The following ROS1 variants were observed in gnomAD, a reference collection of about 807,000 sequenced individuals.
ROS1 encodes the protein ROS proto-oncogene 1, receptor tyrosine kinase.
A neutral mutation model predicts 273.5 loss-of-function variants in ROS1; 263 were observed. The observed-to-expected ratio is 0.96, with a 90% CI of 0.87 to 1.06. ROS1 has a LOEUF of 1.06. Among genes scored for constraint, ROS1 ranks in the 50% least tolerant of loss-of-function variants. ROS1 has a pLI of 0.00. For missense variants in ROS1, 2,833 were observed against 2,751.1 expected, an observed-to-expected ratio of 1.03 and a Z score of -0.67; for synonymous variants, 1,008 against 954.1, an observed-to-expected ratio of 1.06 and a Z score of -1.04.
chr6:117,316,463 C>T (rs1473165987), intron 39 of ROS1, among the ~76,000 whole-genome samples: 7 of 152,002 alleles, frequency 4.6e-5, no homozygotes, highest in Non-Finnish European at 2.9e-5. Context: ...CTTACGTGTT[C>T]TCATCTAAGG....
Position 117,301,097 on chromosome 6 carries a change from G to A in ROS1, c.6592C>T (p.Gln2198Ter), listed in dbSNP as rs771313001. The A allele has an allele frequency of 6.2e-7, 1 of 1,600,636 alleles. No individual in the cohort carries two copies. The highest frequency in any genetic ancestry group is 8.5e-7 in the Non-Finnish European group (1 of 1,174,862). ...MTQCWAQEPD[Q>*]RPTFHRIQDQ... ...TGAATTCTATGAAAAGTAGGTCTTT[G>A]GTCGGGTTCTTGAGCCCAGCACTGG... Residue 2198 changes from glutamine (Q) to a stop codon, truncating the protein, a stop_gained, in exon 43 of 44, where the codon CAA becomes TAA. Coordinates refer to ENST00000368507, the MANE Select transcript of ROS1 (RefSeq NM_001378902.1). LOFTEE classifies it high-confidence loss of function.
rs1777898945 is a variant in ROS1, at chr6:117,341,312, CT to C, written c.4885-2del. On this transcript the variant is annotated splice_acceptor_variant, in intron 30 of 43. Transcript: ENST00000368507. LOFTEE classifies it high-confidence loss of function. ...TTTCCTCAGAGTGGCAGGCAAGAAC[CT>C]TTTGGTAAAAAAGAACAATTGCTTA... 1.2e-6 allele frequency: 2 copies of C among 1,612,392 alleles called. No individual in the cohort carries two copies. The highest frequency in any genetic ancestry group is 1.7e-6 in the Non-Finnish European group (2 of 1,179,332).
At chr6:117,341,760 A>G in intron 29 of ROS1, 128 bp from the exon 30 acceptor site, 1 of 678,654 alleles carries the variant, frequency 1.5e-6, no homozygotes. Flanking sequence ...GTCCAGAAAG[A>G]AAGTCAGCCT....
chr6:117,396,085 A>T (rs1273310316), intron 9 of ROS1, 103 bp downstream of exon 9: 1 of 639,836 alleles, frequency 1.6e-6, no homozygotes, highest in East Asian at 2.6e-5. Flanking sequence ...TGGGCAGAAG[A>T]GGTGGGTCTT....
chr6:117,360,440 T>C, intron 22 of ROS1, 35 bp from the exon 23 acceptor site: 1 of 1,472,802 alleles, frequency 6.8e-7, no homozygotes, highest in Non-Finnish European at 9.5e-7. Context: ...CATTCAGTAG[T>C]GTTCTCCGTG....
intron 1 of ROS1, among the ~76,000 whole-genome samples, chr6:117,424,358 A>G (rs1041059526): frequency 1.3e-5 from 2 of 151,782 alleles, no homozygotes; most frequent in Non-Finnish European, 2.9e-5. Flanking sequence ...AGAAAATTCA[A>G]TCAAAAGATT....
intron 20 of ROS1, 68 bp downstream of exon 20, chr6:117,365,513 G>T: frequency 7.4e-7 from 1 of 1,344,428 alleles, no homozygotes; most frequent in Non-Finnish European, 1.1e-6. Flanking sequence ...ACAGGTCAGT[G>T]TGGGCAAGGC....
intron 18 of ROS1, among the ~76,000 whole-genome samples, chr6:117,378,598 T>G (rs1781534595): frequency 6.6e-6 from 1 of 152,218 alleles, no homozygotes; most frequent in South Asian, 2.1e-4. Flanking sequence ...TAAAATTTAT[T>G]TTTAAAATAT....
chr6:117,296,525 T>G (rs1774254804), intron 43 of ROS1, among the ~76,000 whole-genome samples: 1 of 152,152 alleles, frequency 6.6e-6, no homozygotes, highest in Admixed American at 6.5e-5. Context: ...CTGGAGATCA[T>G]TATGTTAAGT....
At chr6:117,298,683 C>G (rs1350204974) in intron 43 of ROS1, among the ~76,000 whole-genome samples, 1 of 152,160 alleles carries the variant, frequency 6.6e-6, no homozygotes, top group Non-Finnish European at 1.5e-5. Flanking sequence ...CTTTCAGTAT[C>G]ACCAGTTAAA....
At chr6:117,412,856 C>G (rs568650384) in intron 4 of ROS1, among the ~76,000 whole-genome samples, 2 of 152,292 alleles carry the variant, frequency 1.3e-5, no homozygotes, top group Non-Finnish European at 2.9e-5. Context: ...TTTAAAGGCT[C>G]TCTCTCCCTG....
Position 117,319,876 on chromosome 6 carries a change from C to G in ROS1, c.5914G>C (p.Ala1972Pro), listed in dbSNP as rs1373810021. ...TCGAAGATTCACATTACCTTCACTG[C>G]TACTTTGATTTCTCCACTTCCAACT... ...LGVGSGEIKV[A>P]VKTLKKGSTD... Residue 1972 changes from alanine (A) to proline (P), a missense_variant, in exon 37 of 44, where the codon GCA becomes CCA. Transcript: ENST00000368507. 3.7e-6 allele frequency: 6 copies of G among 1,612,928 alleles called. No individual in the cohort carries two copies. Among genetic ancestry groups the G allele is most frequent in the Non-Finnish European group, 5.1e-6 (6 of 1,179,198 alleles).
chr6:117,290,375 T>C (rs1347915036), intron 43 of ROS1, among the ~76,000 whole-genome samples: 1 of 152,234 alleles, frequency 6.6e-6, no homozygotes, highest in African/African-American at 2.4e-5. Context: ...CATCTTCTTG[T>C]TGCAAAAAGA....
intron 28 of ROS1, among the ~76,000 whole-genome samples, chr6:117,343,119 A>T (rs965012882): frequency 5.3e-5 from 8 of 151,992 alleles, no homozygotes; most frequent in Non-Finnish European, 8.8e-5. Context: ...TGTGCCGCCA[A>T]GGTTGAGAAC....
At chr6:117,409,505 G>A in intron 5 of ROS1, 77 bp downstream of exon 5, 1 of 998,978 alleles carries the variant, frequency 1.0e-6, no homozygotes, top group East Asian at 2.4e-5. Flanking sequence ...TTTGAGAGGT[G>A]TTTCGTTATC....
At position 117,352,998 on chromosome 6, in the gene ROS1, G is replaced by C. The variant is rs948632310; in HGVS notation, c.4295C>G (p.Pro1432Arg). The change falls in exon 27 of 44, where the codon CCT (proline) becomes CGT (arginine). Residue 1432 changes from proline (P) to arginine (R), a missense_variant. Physicochemically the swap from Pro to Arg is moderately radical, Grantham distance 103. Transcript: ENST00000368507. ...HILAYSSVMQ[P>R]FPDKAFLSLA... ...GAATGTGACTTTATTACCTGGAAAA[G>C]GCTGCATAACTGAACTGTAAGCCAA... 3.7e-6 allele frequency: 6 copies of C among 1,611,000 alleles called. No homozygotes were observed. Among genetic ancestry groups the C allele is most frequent in the Admixed American group, 1.7e-5 (1 of 59,144 alleles).
At chr6:117,410,381 A>T (rs569733952) in intron 4 of ROS1, among the ~76,000 whole-genome samples, 1 of 152,342 alleles carries the variant, frequency 6.6e-6, no homozygotes, top group African/African-American at 2.4e-5. Context: ...TTCCTTGGAA[A>T]ATTAAAAGTG....
chr6:117,356,020 T>G (rs1445221449), intron 26 of ROS1, among the ~76,000 whole-genome samples: 5 of 152,222 alleles, frequency 3.3e-5, no homozygotes, highest in Admixed American at 3.3e-4. Flanking sequence ...TATATATTTT[T>G]TTCTGTTGAA....
intron 39 of ROS1, among the ~76,000 whole-genome samples, chr6:117,316,596 G>A (rs554062721): frequency 9.3e-4 from 141 of 152,168 alleles, no homozygotes; most frequent in Non-Finnish European, 1.1e-3. Flanking sequence ...GAAGGACTGC[G>A]GCTGCGTTTT....
Sources: gnomAD v4.1 joint callset for allele counts (sites outside exome capture counted in the v4.1 genomes callset) on GRCh38, gnomAD v4.1.1 for gene constraint, MANE v1.5 for transcripts, NCBI Gene and HGNC (gene_info 2026-07-23, HGNC 2026-07-21) for gene names.